The following PITPNC1 variants were observed in gnomAD, a reference collection of about 807,000 sequenced individuals.
PITPNC1 encodes cytoplasmic phosphatidylinositol transfer protein 1.
In PITPNC1, 18 loss-of-function variants were observed where a neutral mutation model predicts 44.7. That is an observed-to-expected ratio of 0.40 (90% CI 0.28 to 0.60). The LOEUF (loss-of-function observed/expected upper bound fraction) is 0.60. Among genes scored for constraint, PITPNC1 ranks in the 20% least tolerant of loss-of-function variants. The pLI is 0.39. For synonymous variants in PITPNC1, 141 were observed against 149.6 expected (o/e 0.94, Z 0.42); for missense variants, 290 against 418.4 (o/e 0.69, Z 2.68).
chr17:67,578,857 C>A (rs144977160), intron 5 of PITPNC1, among the ~76,000 whole-genome samples: 1 of 152,314 alleles, frequency 6.6e-6, no homozygotes, highest in African/African-American at 2.4e-5. Context: ...TGGTGCACAC[C>A]AGTAATCCCA....
intron 5 of PITPNC1, among the ~76,000 whole-genome samples, chr17:67,599,024 ATATATATATATTT>A (rs1393749631): frequency 0.01 from 359 of 35,762 alleles, no homozygotes; most frequent in African/African-American, 0.038. Flanking sequence ...ATATATATAT[ATATATATATATTT>A]TTTTTTTTTT....
chr17:67,575,795 C>CTTCT (rs1191296746), intron 4 of PITPNC1, among the ~76,000 whole-genome samples: 2,253 of 130,938 alleles, frequency 0.017, 128 homozygotes, highest in Admixed American at 0.067. Context: ...TCTTTCTTTC[C>CTTCT]TTCTTTCTTT....
intron 5 of PITPNC1, among the ~76,000 whole-genome samples, chr17:67,630,787 C>T (rs911803178): frequency 6.6e-6 from 1 of 151,210 alleles, no homozygotes; most frequent in Admixed American, 6.6e-5. Flanking sequence ...TCTCGGCTCA[C>T]TGCAACCTCT....
chr17:67,451,794 C>T (rs1430424561), intron 1 of PITPNC1, among the ~76,000 whole-genome samples: 1 of 152,014 alleles, frequency 6.6e-6, no homozygotes, highest in Non-Finnish European at 1.5e-5. Context: ...GCCCACATCA[C>T]GCCTGGCTAA....
rs538758956 is a variant in PITPNC1 at position 67,409,109 on chromosome 17, G to T, written c.48+30907G>T. 2.3e-3 allele frequency among the ~76,000 whole-genome samples: 267 copies of T among 118,068 alleles called. 1 individual carries two copies. The highest frequency in any genetic ancestry group is 8.5e-3 in the African/African-American group (253 of 29,826). The allele number at this position is 118,068 out of a possible 152,430, so 77.5% of individuals were successfully genotyped here. On this transcript the variant is annotated intron_variant, in intron 1 of 8. Transcript: ENST00000581322. ...TTTTTTTTTTTTGAGACGGAGTCTC[G>T]CTCTGTCGCCCAGGCCGGACTGCGG...
intron 5 of PITPNC1, among the ~76,000 whole-genome samples, chr17:67,594,939 G>T (rs886967017): frequency 1.3e-5 from 2 of 152,178 alleles, no homozygotes; most frequent in Admixed American, 1.3e-4. Context: ...TAGACATTCA[G>T]CATGTTTTAA....
intron 1 of PITPNC1, among the ~76,000 whole-genome samples, chr17:67,464,559 G>A (rs533893008): frequency 6.6e-6 from 1 of 152,274 alleles, no homozygotes; most frequent in Admixed American, 6.5e-5. Context: ...TGGAACTGTG[G>A]AACTCACCCC....
intron 1 of PITPNC1, among the ~76,000 whole-genome samples, chr17:67,439,893 G>A (rs552878674): frequency 6.6e-6 from 1 of 151,774 alleles, no homozygotes; most frequent in Non-Finnish European, 1.5e-5. Flanking sequence ...AAAAGATAAA[G>A]AAAAACAAAC....
At position 67,641,340 on chromosome 17, in the gene PITPNC1, TG is replaced by T. The variant is rs766440403; in HGVS notation, c.462+9104del. ...TCATCACAGACATCGCTGTTAAAGTTGGTGTTTATACTTAAACATAATGCAT... is the reference window on the plus strand; with the variant it reads ...TCATCACAGACATCGCTGTTAAAGTTGTGTTTATACTTAAACATAATGCAT... On this transcript the variant is annotated intron_variant, in intron 6 of 8. Coordinates refer to ENST00000581322, the MANE Select transcript of PITPNC1 (RefSeq NM_012417.4). Among the ~76,000 whole-genome samples the T allele has an allele frequency of 1.0e-3, 158 of 152,374 alleles. 1 individual carries two copies. Among genetic ancestry groups the T allele is most frequent in the Non-Finnish European group, 4.6e-4 (31 of 68,024 alleles).
intron 7 of PITPNC1, among the ~76,000 whole-genome samples, chr17:67,672,800 G>C (rs184880184): frequency 6.6e-6 from 1 of 152,002 alleles, no homozygotes; most frequent in African/African-American, 2.4e-5. Context: ...ACCTGCTCTC[G>C]CACGTGAGTC....
At chr17:67,453,844 A>G (rs961724031) in intron 1 of PITPNC1, among the ~76,000 whole-genome samples, 1 of 152,236 alleles carries the variant, frequency 6.6e-6, no homozygotes, top group Non-Finnish European at 1.5e-5. Flanking sequence ...ATTCTTCTAC[A>G]AAGCTTCTCT....
intron 5 of PITPNC1, among the ~76,000 whole-genome samples, chr17:67,616,250 C>T (rs1425627687): frequency 1.3e-5 from 2 of 152,076 alleles, no homozygotes; most frequent in African/African-American, 4.8e-5. Context: ...AAGCAATTCT[C>T]CTGCCTCAGC....
At chr17:67,596,927 T>C (rs966332988) in intron 5 of PITPNC1, among the ~76,000 whole-genome samples, 10 of 152,018 alleles carry the variant, frequency 6.6e-5, no homozygotes, top group African/African-American at 2.2e-4. Context: ...AGAGTCTTCC[T>C]CTATCACCCA....
At chr17:67,474,821 C>CT (rs1195307116) in intron 1 of PITPNC1, among the ~76,000 whole-genome samples, 14 of 149,496 alleles carry the variant, frequency 9.4e-5, no homozygotes, top group Non-Finnish European at 1.2e-4. Flanking sequence ...TGCCCGGCGG[C>CT]TTTTTTTTTT....
At chr17:67,378,225 C>T (rs1170436869) in intron 1 of PITPNC1, 23 bp downstream of exon 1, 5 of 1,477,456 alleles carry the variant, frequency 3.4e-6, no homozygotes, top group South Asian at 2.6e-5. Context: ...CCCGGCCCGG[C>T]CTCGCCCGCT....
intron 1 of PITPNC1, among the ~76,000 whole-genome samples, chr17:67,387,421 T>G (rs1286049611): frequency 6.6e-6 from 1 of 152,190 alleles, no homozygotes; most frequent in Non-Finnish European, 1.5e-5. Context: ...ATCCCAGCAC[T>G]TTGGGGTGCC....
At chr17:67,656,300 TC>T (rs1288937050) in intron 6 of PITPNC1, among the ~76,000 whole-genome samples, 4 of 152,144 alleles carry the variant, frequency 2.6e-5, no homozygotes, top group Non-Finnish European at 5.9e-5. Context: ...CCTTTCATCT[TC>T]CAGCGGCTCC....
intron 1 of PITPNC1, among the ~76,000 whole-genome samples, chr17:67,469,122 C>A (rs1215177630): frequency 6.6e-6 from 1 of 152,184 alleles, no homozygotes; most frequent in Non-Finnish European, 1.5e-5. Context: ...GCAATAAAGA[C>A]CATACTAATT....
rs71139161 is a variant in PITPNC1, at chr17:67,599,035, T to TATATATATATATATATA, written c.366+20778_366+20779insATATATATATATATATA. The stretch of plus-strand genomic sequence containing the variant: ...ATATATATATATATATATATATATA[T>TATATATATATATATATA]TTTTTTTTTTTTTTTTTTTACCATG... On this transcript the variant is annotated intron_variant, in intron 5 of 8. Coordinates refer to ENST00000581322, the MANE Select transcript of PITPNC1 (RefSeq NM_012417.4). 2.5e-3 allele frequency among the ~76,000 whole-genome samples: 71 copies of TATATATATATATATATA among 28,740 alleles called. 3 individuals carry two copies. The highest frequency in any genetic ancestry group is 3.3e-3 in the Non-Finnish European group (53 of 16,020). 18.9% of individuals were successfully genotyped at this position (28,740 alleles called of 152,430 possible).
Sources: gnomAD v4.1 joint callset for allele counts (sites outside exome capture counted in the v4.1 genomes callset) on GRCh38, gnomAD v4.1.1 for gene constraint, MANE v1.5 for transcripts, NCBI Gene and HGNC (gene_info 2026-07-23, HGNC 2026-07-21) for gene names.